MTUS2: variants seen among roughly 807,000 people sequenced by gnomAD.
MTUS2 encodes the protein microtubule-associated tumor suppressor candidate 2.
Under a neutral mutation model 114.1 loss-of-function variants are expected in MTUS2, and 40 were observed. The ratio of observed to expected loss-of-function variants is 0.35; its 90% confidence interval spans 0.27 to 0.46. The LOEUF is 0.46. Ranked by LOEUF, MTUS2 falls within the 20% of genes least tolerant of loss-of-function variation. MTUS2 has a pLI of 1.00. For synonymous variants in MTUS2, 688 were observed against 672.0 expected (o/e 1.02, Z -0.37); for missense variants, 1,679 against 1,705.4 (o/e 0.98, Z 0.27).
intron 6 of MTUS2, among the ~76,000 whole-genome samples, chr13:29,303,403 A>G (rs990126672): frequency 1.3e-5 from 2 of 152,198 alleles, no homozygotes; most frequent in Non-Finnish European, 2.9e-5. Context: ...ACTAAGAATC[A>G]TGATAATACT....
chr13:29,271,472 C>A (rs1897879246), intron 5 of MTUS2, among the ~76,000 whole-genome samples: 1 of 152,146 alleles, frequency 6.6e-6, no homozygotes, highest in Non-Finnish European at 1.5e-5. Context: ...TTTACAGATC[C>A]AAGTCTCACC....
intron 1 of MTUS2, among the ~76,000 whole-genome samples, chr13:28,836,509 C>T (rs910352046): frequency 6.6e-6 from 1 of 152,188 alleles, no homozygotes; most frequent in Non-Finnish European, 1.5e-5. Context: ...TAGGGTCAGT[C>T]GTATGAATAC....
intron 5 of MTUS2, 101 bp downstream of exon 5, chr13:29,101,071 C>T: frequency 2.4e-6 from 3 of 1,233,352 alleles, no homozygotes; most frequent in Non-Finnish European, 2.2e-6. Flanking sequence ...TAAGAATTTG[C>T]ATCACCTCCC....
At chr13:28,992,762 T>G (rs1172932671) in intron 2 of MTUS2, among the ~76,000 whole-genome samples, 1 of 152,164 alleles carries the variant, frequency 6.6e-6, no homozygotes, top group African/African-American at 2.4e-5. Context: ...ACATACAATT[T>G]TCTGTCTTAC....
At chr13:29,288,376 C>G (rs575118707) in intron 6 of MTUS2, among the ~76,000 whole-genome samples, 1 of 151,922 alleles carries the variant, frequency 6.6e-6, no homozygotes, top group African/African-American at 2.4e-5. Context: ...GAGCACAGAG[C>G]GGGGCAGCAG....
At chr13:29,226,983 G>T (rs6490380) in intron 5 of MTUS2, among the ~76,000 whole-genome samples, 6 of 152,048 alleles carry the variant, frequency 3.9e-5, no homozygotes, top group African/African-American at 1.4e-4. Context: ...AGGGGCTGGG[G>T]GCGGTGGGTC....
chr13:28,824,786 G>A (rs1411940291), intron 1 of MTUS2, among the ~76,000 whole-genome samples: 1 of 152,032 alleles, frequency 6.6e-6, no homozygotes, highest in Non-Finnish European at 1.5e-5. Flanking sequence ...GCATCCTTGA[G>A]GAACTTACAG....
chr13:29,237,262 A>G (rs2139382125), intron 5 of MTUS2, among the ~76,000 whole-genome samples: 1 of 152,302 alleles, frequency 6.6e-6, no homozygotes, highest in South Asian at 2.1e-4. Flanking sequence ...TCTGGGCTAG[A>G]GAAGTATCCT....
chr13:29,394,663 C>T (rs779134384), intron 8 of MTUS2, among the ~76,000 whole-genome samples: 2 of 152,240 alleles, frequency 1.3e-5, no homozygotes, highest in South Asian at 2.1e-4. Context: ...CCCCTGGCCA[C>T]GAACTGGTAC....
intron 2 of MTUS2, among the ~76,000 whole-genome samples, chr13:28,961,023 A>G (rs1194061974): frequency 2.0e-5 from 3 of 152,184 alleles, no homozygotes; most frequent in African/African-American, 7.2e-5. Flanking sequence ...CAACAGAGGA[A>G]TGGAGGAGAC....
intron 2 of MTUS2, among the ~76,000 whole-genome samples, chr13:28,921,576 A>T (rs1881043643): frequency 6.6e-6 from 1 of 152,122 alleles, no homozygotes; most frequent in African/African-American, 2.4e-5. Context: ...ACTGTCTCTA[A>T]GCCCAGCTCA....
At chr13:29,062,434 A>C (rs1472775853) in intron 4 of MTUS2, among the ~76,000 whole-genome samples, 2 of 152,194 alleles carry the variant, frequency 1.3e-5, no homozygotes, top group Admixed American at 6.5e-5. Context: ...CCTTTATTTT[A>C]CATGGTCACT....
chr13:29,445,091 A>G (rs1313742589), intron 9 of MTUS2, among the ~76,000 whole-genome samples: 1 of 152,222 alleles, frequency 6.6e-6, no homozygotes, highest in Non-Finnish European at 1.5e-5. Context: ...TGTAGTTTGC[A>G]TAGTGCCCTC....
intron 8 of MTUS2, chr13:29,428,994 C>G: frequency 2.5e-6 from 3 of 1,210,864 alleles, no homozygotes; most frequent in East Asian, 2.3e-5. Context: ...CCCTAGCATG[C>G]GTGTGCGCTT....
chr13:29,442,917 T>C (rs1281180538), intron 9 of MTUS2, among the ~76,000 whole-genome samples: 1 of 122,156 alleles, frequency 8.2e-6, no homozygotes, highest in Admixed American at 7.5e-5. Flanking sequence ...TTCCTCCTCT[T>C]TTAGCAAGAT....
chr13:29,240,316 G>A lies in MTUS2; in HGVS notation c.2645-41388G>A, dbSNP rs141104053. Among the ~76,000 whole-genome samples the A allele has an allele frequency of 3.9e-3, 601 of 152,282 alleles. 5 individuals carry two copies. The highest frequency in any genetic ancestry group is 0.014 in the African/African-American group (570 of 41,564). Reference sequence around the variant, plus strand: ...TGTTATGAACTCAGTCCCCATACGGGTAGAGTATGGCAACAACTGTGGTCT... The same window carrying A: ...TGTTATGAACTCAGTCCCCATACGGATAGAGTATGGCAACAACTGTGGTCT... On this transcript the variant is annotated intron_variant, in intron 5 of 15. Transcript: ENST00000612955.
chr13:29,432,010 ATTTT>A (rs57182093), intron 8 of MTUS2, among the ~76,000 whole-genome samples: 2 of 81,036 alleles, frequency 2.5e-5, no homozygotes, highest in African/African-American at 4.2e-5. Context: ...ACGCTCAGCT[ATTTT>A]TTTTTTTTTT....
rs145285815 is a variant in MTUS2 at position 29,070,730 on chromosome 13, A to G, written c.2447-30043A>G. ...TTGTCTCTCCCTTCAGCTCTGGGCA[A>G]TCATCTTGTGTTCTTGTTAGTTTCT... On this transcript the variant is annotated intron_variant, in intron 4 of 15. Coordinates refer to ENST00000612955, the MANE Select transcript of MTUS2 (RefSeq NM_001033602.4). Among the ~76,000 whole-genome samples, 591 of 152,198 alleles carry G rather than the reference A, an allele frequency of 3.9e-3. 4 individuals carry two copies. Among genetic ancestry groups the G allele is most frequent in the African/African-American group, 0.014 (567 of 41,530 alleles).
chr13:29,034,838 C>G (rs757055335), intron 4 of MTUS2, among the ~76,000 whole-genome samples: 4 of 152,154 alleles, frequency 2.6e-5, no homozygotes, highest in African/African-American at 9.7e-5. Context: ...ATTGCTGTCC[C>G]CCACCACTGC....
Sources: allele counts gnomAD v4.1 joint callset (sites outside exome capture counted in the v4.1 genomes callset), GRCh38; gene constraint gnomAD v4.1.1; transcripts MANE v1.5; gene names NCBI Gene and HGNC (gene_info 2026-07-23, HGNC 2026-07-21).